PRTFDC1: variants seen among roughly 807,000 people sequenced by gnomAD.
The protein encoded by PRTFDC1 is phosphoribosyl transferase domain containing 1.
PRTFDC1 carries 38 observed loss-of-function variants against 34.6 expected under a neutral mutation model. The ratio of observed to expected loss-of-function variants is 1.10; its 90% CI spans 0.85 to 1.44. PRTFDC1 has a LOEUF of 1.44. PRTFDC1 is among the 40% of genes most tolerant of loss of function. PRTFDC1 has a pLI of 0.00. For missense variants in PRTFDC1, 270 were observed against 283.0 expected (o/e 0.95, Z 0.33); for synonymous variants, 93 against 98.1 (o/e 0.95, Z 0.31).
intron 4 of PRTFDC1, among the ~76,000 whole-genome samples, chr10:24,869,508 A>G (rs576455281): frequency 1.3e-5 from 2 of 152,330 alleles, no homozygotes; most frequent in Non-Finnish European, 2.9e-5. Context: ...CTCTACCTAC[A>G]TGATCCGTTG....
rs538217958 is a variant in PRTFDC1 at position 24,947,602 on chromosome 10, C to A, written c.48+4926G>T. On this transcript the variant is annotated intron_variant, in intron 1 of 8. Coordinates refer to ENST00000320152, the MANE Select transcript of PRTFDC1 (RefSeq NM_020200.7). ...TTCTCTTTTTCGCACTGAAGATGCA[C>A]TGAAAACTTTGTAAGTCATTAAAAA... is the stretch of plus-strand genomic sequence containing the variant. Among the ~76,000 whole-genome samples the A allele has an allele frequency of 1.1e-4, 17 of 152,232 alleles. 1 individual carries two copies. Among genetic ancestry groups the A allele is most frequent in the Admixed American group, 1.1e-3 (17 of 15,278 alleles).
At chr10:24,860,773 C>T (rs1293206818) in intron 4 of PRTFDC1, among the ~76,000 whole-genome samples, 1 of 152,092 alleles carries the variant, frequency 6.6e-6, no homozygotes, top group African/African-American at 2.4e-5. Flanking sequence ...GTATTTTCAA[C>T]AAGAATTTCT....
intron 5 of PRTFDC1, among the ~76,000 whole-genome samples, chr10:24,858,028 A>C (rs1434473089): frequency 6.6e-6 from 1 of 152,238 alleles, no homozygotes; most frequent in Non-Finnish European, 1.5e-5. Context: ...TAGCAAAGAC[A>C]CTGAATTCAG....
In PRTFDC1 at chr10:24,942,444, T is replaced by C; in HGVS notation, c.49-8A>G. 6.3e-7 allele frequency: 1 copy of C among 1,599,018 alleles called. No individual in the cohort carries two copies. Among genetic ancestry groups the C allele is most frequent in the Non-Finnish European group, 8.6e-7 (1 of 1,166,200 alleles). ...TGGCCAATCATCCATAATCTGCAAA[T>C]CAAATTATTTTGGTTATGGTATTTT... On this transcript the variant is annotated splice_region_variant and splice_polypyrimidine_tract_variant and intron_variant, in intron 1 of 8. Coordinates refer to ENST00000320152, the MANE Select transcript of PRTFDC1 (RefSeq NM_020200.7).
At chr10:24,943,679 A>C (rs970706581) in intron 1 of PRTFDC1, among the ~76,000 whole-genome samples, 2 of 151,668 alleles carry the variant, frequency 1.3e-5, no homozygotes, top group African/African-American at 4.8e-5. Context: ...TCCCCTGAGT[A>C]GCTGGGACCA....
intron 3 of PRTFDC1, among the ~76,000 whole-genome samples, chr10:24,894,327 C>A (rs1848313912): frequency 8.4e-6 from 1 of 119,356 alleles, no homozygotes; most frequent in South Asian, 2.8e-4. Flanking sequence ...TAGACTCAAT[C>A]TCAAAAAAAA....
intron 3 of PRTFDC1, among the ~76,000 whole-genome samples, chr10:24,922,126 A>C (rs557909791): frequency 2.0e-4 from 31 of 152,368 alleles, no homozygotes; most frequent in African/African-American, 6.7e-4. Context: ...ATAAAATACA[A>C]ATGGAATATG....
chr10:24,865,014 G>A (rs796334759), intron 4 of PRTFDC1, among the ~76,000 whole-genome samples: 16 of 152,266 alleles, frequency 1.1e-4, no homozygotes, highest in African/African-American at 3.9e-4. Context: ...TACTCGAGAG[G>A]CTGAGGCACA....
chr10:24,938,054 C>T (rs1849083390), intron 2 of PRTFDC1, among the ~76,000 whole-genome samples: 2 of 151,432 alleles, frequency 1.3e-5, no homozygotes, highest in African/African-American at 4.8e-5. Flanking sequence ...GGTGAAACCC[C>T]GTCTCTACTA....
At chr10:24,909,050 T>C (rs2132564937) in intron 3 of PRTFDC1, among the ~76,000 whole-genome samples, 1 of 152,254 alleles carries the variant, frequency 6.6e-6, no homozygotes, top group South Asian at 2.1e-4. Context: ...ATCCTAGCAT[T>C]TTGGGAGATT....
intron 3 of PRTFDC1, among the ~76,000 whole-genome samples, chr10:24,911,934 G>A (rs1159389399): frequency 6.6e-6 from 1 of 151,894 alleles, no homozygotes; most frequent in East Asian, 1.9e-4. Flanking sequence ...ACATAGGAGA[G>A]TATGATTGTA....
chr10:24,908,571 C>T, intron 3 of PRTFDC1: 1 of 1,612,852 alleles, frequency 6.2e-7, no homozygotes, highest in Non-Finnish European at 8.5e-7. Flanking sequence ...TGGAGGTAAC[C>T]TCTCCAGAGG....
rs141214658 is a variant in PRTFDC1, at chr10:24,905,473, C to T, written c.339+31711G>A. ...AGTAGCTGGGATTGCAGGCACGTGC[C>T]ACCACTTCCAGCTAATTTTTGTATT... is the stretch of plus-strand genomic sequence containing the variant. On this transcript the variant is annotated intron_variant, in intron 3 of 8. Coordinates refer to ENST00000320152, the MANE Select transcript of PRTFDC1 (RefSeq NM_020200.7). Among the ~76,000 whole-genome samples the T allele has an allele frequency of 1.8e-3, 268 of 152,054 alleles. 8 individuals are homozygous for T. The highest frequency in any genetic ancestry group is 0.012 in the Admixed American group (183 of 15,240).
chr10:24,900,195 TA>T (rs1215344914), intron 3 of PRTFDC1, among the ~76,000 whole-genome samples: 1 of 152,246 alleles, frequency 6.6e-6, no homozygotes, highest in Non-Finnish European at 1.5e-5. Flanking sequence ...TGGGAGAACT[TA>T]AGTAACTTTG....
chr10:24,924,405 A>C (rs7924044), intron 3 of PRTFDC1, among the ~76,000 whole-genome samples: 48,872 of 151,784 alleles, frequency 0.32, 9,206 homozygotes, highest in African/African-American at 0.53. Context: ...GCCAGAGAGA[A>C]AGGTTGGGTT....
chr10:24,911,198 A>G (rs375825394), intron 3 of PRTFDC1, among the ~76,000 whole-genome samples: 56 of 152,192 alleles, frequency 3.7e-4, no homozygotes, highest in African/African-American at 1.3e-3. Flanking sequence ...TAATTCCATC[A>G]CCCCCAAAAG....
At chr10:24,887,031 C>T (rs1236464827) in intron 3 of PRTFDC1, among the ~76,000 whole-genome samples, 2 of 134,336 alleles carry the variant, frequency 1.5e-5, no homozygotes, top group South Asian at 4.9e-4. Flanking sequence ...ACTGCAGTGG[C>T]GCAATCTCGG....
At chr10:24,883,818 CTTTTT>C (rs71399940) in intron 3 of PRTFDC1, among the ~76,000 whole-genome samples, 1 of 96,570 alleles carries the variant, frequency 1.0e-5, no homozygotes, top group Non-Finnish European at 2.0e-5. Context: ...CTTAAGAGAC[CTTTTT>C]TTTTTTTTTT....
chr10:24,929,980 G>A (rs997890812), intron 3 of PRTFDC1, among the ~76,000 whole-genome samples: 110 of 152,252 alleles, frequency 7.2e-4, no homozygotes, highest in African/African-American at 2.6e-3. Context: ...TTGATCCCAG[G>A]GAGGTTGAAG....
Sources: gnomAD v4.1 joint callset for allele counts (sites outside exome capture counted in the v4.1 genomes callset) on GRCh38, gnomAD v4.1.1 for gene constraint, MANE v1.5 for transcripts, NCBI Gene and HGNC (gene_info 2026-07-23, HGNC 2026-07-21) for gene names.